NDST3: variants seen among roughly 807,000 people sequenced by gnomAD.
The protein encoded by NDST3 is bifunctional heparan sulfate N-deacetylase/N-sulfotransferase 3.
Under a neutral mutation model 96.1 loss-of-function variants are expected in NDST3, and 58 were observed. That is an observed-to-expected ratio of 0.60 (90% confidence interval 0.49 to 0.75). The LOEUF (loss-of-function observed/expected upper bound fraction) is 0.75. Ranked by LOEUF, NDST3 falls within the 30% of genes least tolerant of loss-of-function variation. NDST3 has a pLI of 0.00. For missense variants in NDST3, 788 were observed against 1,034.2 expected, an observed-to-expected ratio of 0.76 and a Z score of 3.27; for synonymous variants, 333 against 359.7, an observed-to-expected ratio of 0.93 and a Z score of 0.84.
chr4:118,245,725 T>G (rs1425419716), intron 12 of NDST3, among the ~76,000 whole-genome samples: 1 of 152,168 alleles, frequency 6.6e-6, no homozygotes, highest in Non-Finnish European at 1.5e-5. Context: ...TCTAATTTCT[T>G]ATTATAAATT....
intron 2 of NDST3, among the ~76,000 whole-genome samples, chr4:118,100,039 T>C (rs1373624467): frequency 2.0e-5 from 3 of 152,022 alleles, no homozygotes; most frequent in Non-Finnish European, 2.9e-5. Flanking sequence ...TGTGTGAACG[T>C]AACTAAGCTA....
At position 118,218,891 on chromosome 4, in the gene NDST3, C is replaced by T. The variant is rs563668272; in HGVS notation, c.1540-5600C>T. On this transcript the variant is annotated intron_variant, in intron 6 of 13. Transcript: ENST00000296499. ...CAAAAAAATCAGAAGCAATCCTATACATCAACAATAGACAAGCAGAGAGCC... is the reference window on the plus strand; with the variant it reads ...CAAAAAAATCAGAAGCAATCCTATATATCAACAATAGACAAGCAGAGAGCC... Among the ~76,000 whole-genome samples the T allele has an allele frequency of 1.1e-4, 17 of 152,138 alleles. No individual in the cohort carries two copies. In the South Asian group the frequency reaches 3.5e-3, roughly 32 times the overall value.
At chr4:118,115,914 C>A (rs548516173) in intron 4 of NDST3, among the ~76,000 whole-genome samples, 1 of 152,208 alleles carries the variant, frequency 6.6e-6, no homozygotes, top group South Asian at 2.1e-4. Flanking sequence ...AATCTACTCC[C>A]CCAAATAAAC....
chr4:118,248,836 C>A (rs1388269888), intron 12 of NDST3, among the ~76,000 whole-genome samples: 1 of 152,156 alleles, frequency 6.6e-6, no homozygotes, highest in Non-Finnish European at 1.5e-5. Flanking sequence ...TTACTTGTGT[C>A]CCAAACTCAT....
At chr4:118,036,698 T>C (rs1413788628) in intron 1 of NDST3, among the ~76,000 whole-genome samples, 1 of 152,206 alleles carries the variant, frequency 6.6e-6, no homozygotes, top group Non-Finnish European at 1.5e-5. Context: ...ACTATACTCT[T>C]AGATACCTGG....
rs190675273 is a variant in NDST3 at position 118,209,298 on chromosome 4, C to T, written c.1540-15193C>T. 2.0e-5 allele frequency among the ~76,000 whole-genome samples: 3 copies of T among 152,248 alleles called. No homozygotes were observed. In the East Asian group the frequency reaches 5.8e-4, roughly 29 times the overall value. On this transcript the variant is annotated intron_variant, in intron 6 of 13. Transcript: ENST00000296499. Reference sequence around the variant, plus strand: ...ATCTATCATAAGAAGTAACTGTATTCATTATTCTGTCACTTTCTAACACTA... The same window carrying T: ...ATCTATCATAAGAAGTAACTGTATTTATTATTCTGTCACTTTCTAACACTA...
intron 6 of NDST3, among the ~76,000 whole-genome samples, chr4:118,211,286 G>A (rs932662316): frequency 7.6e-6 from 1 of 132,232 alleles, no homozygotes; most frequent in African/African-American, 2.5e-5. Context: ...AAATTTTAAA[G>A]GGACAGTGGG....
chr4:118,212,269 C>T (rs1220275921), intron 6 of NDST3, among the ~76,000 whole-genome samples: 1 of 152,202 alleles, frequency 6.6e-6, no homozygotes, highest in African/African-American at 2.4e-5. Flanking sequence ...AAGGCCAGGC[C>T]TCATGCCTGT....
intron 6 of NDST3, among the ~76,000 whole-genome samples, chr4:118,161,266 G>T (rs1157479488): frequency 6.6e-6 from 1 of 152,210 alleles, no homozygotes; most frequent in Non-Finnish European, 1.5e-5. Flanking sequence ...CGTGTGAGGT[G>T]TCAGTCTGCC....
At chr4:118,122,167 T>C (rs1731641606) in intron 4 of NDST3, among the ~76,000 whole-genome samples, 1 of 152,188 alleles carries the variant, frequency 6.6e-6, no homozygotes. Flanking sequence ...GGACACAAAA[T>C]GAACTAACAG....
At chr4:118,046,660 A>G (rs992164618) in intron 1 of NDST3, among the ~76,000 whole-genome samples, 3 of 151,772 alleles carry the variant, frequency 2.0e-5, no homozygotes, top group Non-Finnish European at 4.4e-5. Flanking sequence ...CCAGAATCCA[A>G]CTCCAAGTAC....
chr4:118,214,981 G>A (rs1420780457), intron 6 of NDST3, among the ~76,000 whole-genome samples: 2 of 152,140 alleles, frequency 1.3e-5, no homozygotes, highest in Non-Finnish European at 2.9e-5. Context: ...AACTAGCAGT[G>A]ATGAAGCAGA....
intron 6 of NDST3, among the ~76,000 whole-genome samples, chr4:118,149,192 T>G (rs373033054): frequency 3.9e-5 from 6 of 152,128 alleles, no homozygotes; most frequent in Non-Finnish European, 2.9e-5. Flanking sequence ...GCAGCGTGGT[T>G]CCTCCAGCTT....
intron 6 of NDST3, among the ~76,000 whole-genome samples, chr4:118,181,738 T>A (rs1736622767): frequency 6.6e-6 from 1 of 152,164 alleles, no homozygotes; most frequent in Non-Finnish European, 1.5e-5. Context: ...GAACTAATCT[T>A]ATTTACCAGA....
intron 6 of NDST3, among the ~76,000 whole-genome samples, chr4:118,190,932 G>GCATAATAC (rs1737263858): frequency 1.3e-5 from 2 of 152,052 alleles, no homozygotes; most frequent in East Asian, 3.8e-4. Flanking sequence ...TATCACATAC[G>GCATAATAC]CATAATACAT....
intron 1 of NDST3, among the ~76,000 whole-genome samples, chr4:118,046,461 G>C (rs1324317710): frequency 1.3e-5 from 2 of 152,226 alleles, no homozygotes; most frequent in East Asian, 3.8e-4. Flanking sequence ...AAGTAGAGCT[G>C]ACTTCCCTGT....
chr4:118,066,170 ATT>A (rs1491392102), intron 2 of NDST3, among the ~76,000 whole-genome samples: 2 of 23,238 alleles, frequency 8.6e-5, no homozygotes, highest in Non-Finnish European at 1.1e-4. Context: ...TATATATTAT[ATT>A]TTATATATTA....
intron 5 of NDST3, among the ~76,000 whole-genome samples, chr4:118,138,498 A>T (rs75035951): frequency 1.3e-5 from 2 of 152,216 alleles, no homozygotes; most frequent in African/African-American, 4.8e-5. Context: ...CTAAAAAAAA[A>T]TTACATTTAA....
intron 6 of NDST3, among the ~76,000 whole-genome samples, chr4:118,202,932 T>C (rs1738191338): frequency 6.6e-6 from 1 of 152,224 alleles, no homozygotes; most frequent in South Asian, 2.1e-4. Flanking sequence ...CCACTTAGTA[T>C]GATGTTGGCT....
Sources: gnomAD v4.1 joint callset for allele counts (sites outside exome capture counted in the v4.1 genomes callset) on GRCh38, gnomAD v4.1.1 for gene constraint, MANE v1.5 for transcripts, NCBI Gene and HGNC (gene_info 2026-07-23, HGNC 2026-07-21) for gene names.